RSF1: variants seen among roughly 807,000 people sequenced by gnomAD.
The protein encoded by RSF1 is HBV pX-associated protein 8.
RSF1 carries 13 observed loss-of-function variants against 145.2 expected under a neutral mutation model. The observed-to-expected ratio is 0.09, with a 90% CI of 0.06 to 0.14. RSF1 has a LOEUF of 0.14. Ranked by LOEUF, RSF1 falls within the 10% of genes least tolerant of loss-of-function variation. RSF1 has a pLI of 1.00. For synonymous variants in RSF1, 577 were observed against 592.6 expected, an observed-to-expected ratio of 0.97 and a Z score of 0.38; for missense variants, 1,517 against 1,718.2, an observed-to-expected ratio of 0.88 and a Z score of 2.07.
intron 12 of RSF1, 100 bp from the exon 13 acceptor site, chr11:77,677,099 C>G (rs899415933): frequency 3.2e-5 from 27 of 854,578 alleles, no homozygotes; most frequent in Non-Finnish European, 4.6e-5. Context: ...CTTAGCAGCT[C>G]TTCATTTCTT....
intron 1 of RSF1, among the ~76,000 whole-genome samples, chr11:77,772,251 C>A (rs1164403782): frequency 6.6e-6 from 1 of 151,956 alleles, no homozygotes; most frequent in Non-Finnish European, 1.5e-5. Context: ...CTCACCGCAG[C>A]CTCGATCTCC....
chr11:77,857,936 C>G, the RSF1 span, among the ~76,000 whole-genome samples: 1 of 152,106 alleles, frequency 6.6e-6, no homozygotes, highest in Non-Finnish European at 1.5e-5. Context: ...ACCTTGTGAT[C>G]TGCCCACATT....
chr11:77,844,226 C>G, the RSF1 span, among the ~76,000 whole-genome samples: 1 of 152,170 alleles, frequency 6.6e-6, no homozygotes, highest in South Asian at 2.1e-4. Flanking sequence ...GAGGGCTCTA[C>G]CCTTAGGACC....
intron 3 of RSF1, among the ~76,000 whole-genome samples, chr11:77,746,788 A>G (rs1164348640): frequency 1.3e-5 from 2 of 152,214 alleles, no homozygotes; most frequent in Non-Finnish European, 2.9e-5. Context: ...AACAATGAAT[A>G]AAACTAATTT....
intron 7 of RSF1, among the ~76,000 whole-genome samples, chr11:77,694,850 A>T: frequency 6.6e-6 from 1 of 152,194 alleles, no homozygotes; most frequent in Non-Finnish European, 1.5e-5. Flanking sequence ...GACAGTTTGA[A>T]GAGTACTATA....
chr11:77,672,640 C>T (rs1959587736), intron 14 of RSF1, among the ~76,000 whole-genome samples: 1 of 151,584 alleles, frequency 6.6e-6, no homozygotes. Context: ...ACAATATATA[C>T]TCTTAGCGGT....
At chr11:77,733,220 A>T (rs1157260505) in intron 4 of RSF1, among the ~76,000 whole-genome samples, 1 of 152,200 alleles carries the variant, frequency 6.6e-6, no homozygotes, top group East Asian at 1.9e-4. Flanking sequence ...CCTTGTTAAC[A>T]TTTGGTGCTG....
intron 4 of RSF1, among the ~76,000 whole-genome samples, chr11:77,729,538 A>AATG (rs1259309409): frequency 6.6e-6 from 1 of 151,956 alleles, no homozygotes; most frequent in Non-Finnish European, 1.5e-5. Flanking sequence ...TTTCAGAAGC[A>AATG]ATGAAGAAAA....
intron 15 of RSF1, among the ~76,000 whole-genome samples, chr11:77,671,138 A>T (rs867606489): frequency 3.2e-3 from 70 of 21,950 alleles, no homozygotes; most frequent in Non-Finnish European, 4.4e-3. Context: ...AAAAAAAAAA[A>T]ATATATATAT....
At chr11:77,751,935 T>C (rs996015114) in intron 2 of RSF1, among the ~76,000 whole-genome samples, 60 of 152,174 alleles carry the variant, frequency 3.9e-4, no homozygotes, top group African/African-American at 1.3e-3. Flanking sequence ...TATTTTACAA[T>C]TGAGAAACAT....
At chr11:77,838,333 T>G in the RSF1 span, among the ~76,000 whole-genome samples, 1 of 152,174 alleles carries the variant, frequency 6.6e-6, no homozygotes, top group Non-Finnish European at 1.5e-5. Flanking sequence ...ACATCTACAG[T>G]CAGTAGACTA....
At chr11:77,744,947 G>C (rs1316446901) in intron 3 of RSF1, among the ~76,000 whole-genome samples, 4 of 152,014 alleles carry the variant, frequency 2.6e-5, no homozygotes, top group African/African-American at 9.7e-5. Context: ...TTCTCTGATG[G>C]GACATTTTTT....
intron 2 of RSF1, chr11:77,762,538 T>C (rs1460964716): frequency 6.6e-6 from 1 of 152,190 alleles, no homozygotes; most frequent in Non-Finnish European, 1.5e-5. Context: ...TACTTTCTAT[T>C]ACAGTAGGGC....
At chr11:77,861,960 G>A in the RSF1 span, among the ~76,000 whole-genome samples, 1 of 152,348 alleles carries the variant, frequency 6.6e-6, no homozygotes, top group East Asian at 1.9e-4. Flanking sequence ...CTTCAGTACA[G>A]TCAGGTGACA....
rs547287783 is a variant in RSF1, at chr11:77,777,034, A to T, written c.188-12345T>A. ...TTTAAAAAAACAAACAAAAGGACAG[A>T]CTAGTACAATAAAACCTCATGACCT... On this transcript the variant is annotated intron_variant, in intron 1 of 15. Transcript: ENST00000308488. Among the ~76,000 whole-genome samples, 10 of 152,308 alleles carry T rather than the reference A, an allele frequency of 6.6e-5. No individual in the cohort carries two copies. The East Asian group carries it at 1.5e-3, about 23-fold the overall frequency.
At chr11:77,850,033 A>G in the RSF1 span, among the ~76,000 whole-genome samples, 2,763 of 152,332 alleles carry the variant, frequency 0.018, 69 homozygotes, top group African/African-American at 0.062. Flanking sequence ...CATTTAACAC[A>G]GTGCCAGTAA....
At chr11:77,725,464 G>T in intron 5 of RSF1, 81 bp downstream of exon 5, 1 of 1,119,248 alleles carries the variant, frequency 8.9e-7, no homozygotes, top group Non-Finnish European at 1.2e-6. Flanking sequence ...TAGAAATTCA[G>T]AATTATATAG....
At position 77,672,030 on chromosome 11, in the gene RSF1, C is replaced by T. The variant is rs748412457; in HGVS notation, c.3751+12G>A. 2.5e-6 allele frequency: 4 copies of T among 1,604,992 alleles called. No homozygotes were observed. In the Admixed American group the frequency reaches 6.9e-5, roughly 28 times the overall value. On this transcript the variant is annotated intron_variant, in intron 15 of 15. Transcript: ENST00000308488. ...TGTCCAAACTTCTATATATAGGAGA[C>T]CTATGCCTTACCTTCACTCTCTGAG...
chr11:77,754,819 C>T (rs566855223), intron 2 of RSF1, among the ~76,000 whole-genome samples: 1 of 151,248 alleles, frequency 6.6e-6, no homozygotes, highest in Non-Finnish European at 1.5e-5. Flanking sequence ...TGTGTGTAGT[C>T]CCAGCCTGGT....
Sources: allele counts gnomAD v4.1 joint callset (sites outside exome capture counted in the v4.1 genomes callset), GRCh38; gene constraint gnomAD v4.1.1; transcripts MANE v1.5; gene names NCBI Gene and HGNC (gene_info 2026-07-23, HGNC 2026-07-21).